Variants in CLPB observed in about 807,000 individuals in gnomAD.
CLPB encodes the protein mitochondrial disaggregase.
Under a neutral mutation model 78.4 loss-of-function variants are expected in CLPB, and 40 were observed. That is an observed-to-expected ratio of 0.51 (90% CI 0.40 to 0.66). The LOEUF is 0.66. CLPB is among the 30% of genes least tolerant of loss of function. The pLI is 0.00. For synonymous variants in CLPB, 333 were observed against 348.0 expected (o/e 0.96, Z 0.48); for missense variants, 780 against 886.9 (o/e 0.88, Z 1.53).
At chr11:72,405,501 T>C (rs1855683486) in intron 2 of CLPB, among the ~76,000 whole-genome samples, 2 of 152,188 alleles carry the variant, frequency 1.3e-5, no homozygotes, top group African/African-American at 4.8e-5. Context: ...TAATGGACCC[T>C]AGGATAAAAG....
rs187782273 is a variant in CLPB at position 72,404,878 on chromosome 11, T to C, written c.456-1826A>G. On this transcript the variant is annotated intron_variant, in intron 2 of 15. Coordinates refer to ENST00000538039, the MANE Select transcript of CLPB (RefSeq NM_001258392.3). ...TTACTCTGGTGAAGGTCCCTTACTA[T>C]ACATAATGTTACACTTCTTTTATGC... Among the ~76,000 whole-genome samples the C allele has an allele frequency of 7.6e-4, 116 of 152,330 alleles. 2 individuals are homozygous for C. Among genetic ancestry groups the C allele is most frequent in the Middle Eastern group, 3.4e-3 (1 of 294 alleles).
intron 2 of CLPB, among the ~76,000 whole-genome samples, chr11:72,417,203 A>T (rs766585047): frequency 1.5e-4 from 23 of 152,230 alleles, no homozygotes; most frequent in Non-Finnish European, 2.9e-4. Flanking sequence ...TCCTGTATGG[A>T]TGTACATCCA....
At chr11:72,375,683 C>G (rs997735682) in intron 4 of CLPB, among the ~76,000 whole-genome samples, 12 of 152,198 alleles carry the variant, frequency 7.9e-5, no homozygotes, top group African/African-American at 2.9e-4. Flanking sequence ...CGTTGTGATT[C>G]CTTGTTTACA....
intron 4 of CLPB, among the ~76,000 whole-genome samples, chr11:72,369,185 A>G (rs1453364734): frequency 1.3e-5 from 2 of 152,074 alleles, no homozygotes; most frequent in African/African-American, 4.8e-5. Flanking sequence ...TTTAGTGCAG[A>G]CCCAGGGGGT....
intron 3 of CLPB, among the ~76,000 whole-genome samples, chr11:72,395,136 A>C (rs1234655419): frequency 6.6e-6 from 1 of 152,000 alleles, no homozygotes; most frequent in East Asian, 1.9e-4. Context: ...ACAGCACTCT[A>C]TGTGTTCTTC....
At chr11:72,406,326 G>T (rs141856869) in intron 2 of CLPB, among the ~76,000 whole-genome samples, 1 of 152,146 alleles carries the variant, frequency 6.6e-6, no homozygotes, top group African/African-American at 2.4e-5. Flanking sequence ...TTGCTCTAGA[G>T]GTAGGGCTGA....
rs1252840918 is a variant in CLPB, at chr11:72,380,252, CT to C, written c.646+28del. 3 of 1,542,422 alleles carry C rather than the reference CT, an allele frequency of 1.9e-6. No homozygotes were observed. The African/African-American group carries it at 4.1e-5, about 21-fold the overall frequency. ...GCATGAAAGCCACAAGAGGAGAGCT[CT>C]CAGAGAAGCAGGACAGCCCACACTT... On this transcript the variant is annotated intron_variant, in intron 4 of 15. Transcript: ENST00000538039.
In CLPB at chr11:72,294,415, T is replaced by TC. The variant is rs768632963; in HGVS notation, c.1589dup (p.Arg531ThrfsTer4). The stretch of plus-strand genomic sequence containing the variant: ...GGAAGTAGACGATCTCATTGATCCG[T>TC]CCCAGAAACTCATCCCTCCGGAAGT... On this transcript the variant is annotated frameshift_variant, in exon 14 of 16. Transcript: ENST00000538039. LOFTEE classifies it high-confidence loss of function. 3.1e-6 allele frequency: 5 copies of TC among 1,613,996 alleles called. No homozygotes were observed. The highest frequency in any genetic ancestry group is 1.3e-5 in the African/African-American group (1 of 74,908).
At chr11:72,372,593 T>G (rs1320466449) in intron 4 of CLPB, among the ~76,000 whole-genome samples, 1 of 152,196 alleles carries the variant, frequency 6.6e-6, no homozygotes, top group Non-Finnish European at 1.5e-5. Context: ...GTCCAAATCA[T>G]GCTTCCCAAA....
At chr11:72,432,187 G>T (rs1408630344) in intron 1 of CLPB, among the ~76,000 whole-genome samples, 6 of 152,086 alleles carry the variant, frequency 3.9e-5, no homozygotes, top group Non-Finnish European at 7.3e-5. Flanking sequence ...ACACCATGGT[G>T]CCCCGAAACT....
At chr11:72,300,856 G>C (rs1011434452) in intron 11 of CLPB, among the ~76,000 whole-genome samples, 13 of 152,198 alleles carry the variant, frequency 8.5e-5, no homozygotes, top group Non-Finnish European at 1.8e-4. Flanking sequence ...ACGCTCTCTT[G>C]ATGGAGCAGG....
rs374032537 is a variant in CLPB at position 72,294,357 on chromosome 11, C to T, written c.1648G>A (p.Val550Ile). 1.1e-5 allele frequency: 18 copies of T among 1,614,176 alleles called. No individual in the cohort carries two copies. In the African/African-American group the frequency reaches 1.5e-4, roughly 13 times the overall value. Residue 550 changes from valine (V) to isoleucine (I), a missense_variant, in exon 14 of 16, where the codon GTC becomes ATC. Val to Ile is a conservative substitution (Grantham distance 29, BLOSUM62 3). Transcript: ENST00000538039. ...GCCCAGAAGTTTAGTTCCTTGTTGA[C>T]GAGTTGGATGAGCTCCGAGTGGCAG... is the stretch of plus-strand genomic sequence containing the variant. ...PFCHSELIQL[V>I]NKELNFWAKR...
intron 2 of CLPB, among the ~76,000 whole-genome samples, chr11:72,406,678 C>T (rs538709173): frequency 1.5e-4 from 23 of 152,330 alleles, no homozygotes; most frequent in African/African-American, 5.5e-4. Flanking sequence ...TGTGATCACA[C>T]AGGATGACCT....
chr11:72,289,448 A>G lies in CLPB; in HGVS notation c.*3919T>C, dbSNP rs1159678750. 6.6e-6 allele frequency: 1 copy of G among 152,214 alleles called. No individual in the cohort carries two copies. Among genetic ancestry groups the G allele is most frequent in the African/African-American group, 2.4e-5 (1 of 41,446 alleles). 9.4% of individuals were successfully genotyped at this position (152,214 alleles called of 1,614,324 possible). A position where few individuals can be genotyped will look rare whatever the true frequency, so the allele number is the denominator to read the frequency against. On this transcript the variant is annotated 3_prime_UTR_variant, in exon 16 of 16. Transcript: ENST00000538039. Reference sequence around the variant, plus strand: ...CCTCTATGGGAAGTCTAAACATCAAATAGAAAGGAGCAGAAACAGAGATAG... The same window carrying G: ...CCTCTATGGGAAGTCTAAACATCAAGTAGAAAGGAGCAGAAACAGAGATAG...
intron 5 of CLPB, chr11:72,352,455 A>G (rs1480095528): frequency 6.6e-6 from 1 of 152,182 alleles, no homozygotes; most frequent in African/African-American, 2.4e-5. Context: ...TACCTGCAAT[A>G]TTCTGAGTAA....
chr11:72,293,461 T>C lies in CLPB; in HGVS notation c.1940A>G (p.Lys647Arg), dbSNP rs1300806807. The change falls in exon 16 of 16, where the codon AAG (lysine) becomes AGG (arginine). Residue 647 changes from lysine (K) to arginine (R), a missense_variant. Physicochemically the swap from Lys to Arg is conservative, Grantham distance 26. Coordinates refer to ENST00000538039, the MANE Select transcript of CLPB (RefSeq NM_001258392.3). ...PSPQAEKRLP[K>R]LRLEIIDKDS... ...CTTGTCGATGATCTCCAGACGCAGCTTGGGGAGGCGCTTCTCAGCCTGGGG... is the reference window on the plus strand; with the variant it reads ...CTTGTCGATGATCTCCAGACGCAGCCTGGGGAGGCGCTTCTCAGCCTGGGG... The C allele has an allele frequency of 3.7e-5, 60 of 1,614,026 alleles. No individual in the cohort carries two copies. The highest frequency in any genetic ancestry group is 3.3e-4 in the Middle Eastern group (2 of 6,080).
intron 4 of CLPB, among the ~76,000 whole-genome samples, chr11:72,368,481 A>C (rs1950984491): frequency 6.6e-6 from 1 of 152,206 alleles, no homozygotes; most frequent in Non-Finnish European, 1.5e-5. Flanking sequence ...TTTTTCTCTA[A>C]GTGATTACAT....
At chr11:72,310,869 C>T (rs1262904683) in intron 7 of CLPB, 1 of 152,066 alleles carries the variant, frequency 6.6e-6, no homozygotes, top group African/African-American at 2.4e-5. Flanking sequence ...CTGTGCAGTA[C>T]AAAAACACCA....
At chr11:72,356,233 G>A (rs1050770998) in intron 5 of CLPB, among the ~76,000 whole-genome samples, 8 of 150,938 alleles carry the variant, frequency 5.3e-5, no homozygotes, top group African/African-American at 1.7e-4. Context: ...AGCCGAGATC[G>A]CGCCATTGCA....
Sources: gnomAD v4.1 joint callset for allele counts (sites outside exome capture counted in the v4.1 genomes callset) on GRCh38, gnomAD v4.1.1 for gene constraint, MANE v1.5 for transcripts, NCBI Gene and HGNC (gene_info 2026-07-23, HGNC 2026-07-21) for gene names.